Variants in NPY2R observed in about 807,000 individuals in gnomAD.
The protein encoded by NPY2R is neuropeptide Y receptor Y2.
Under a neutral mutation model 22.3 loss-of-function variants are expected in NPY2R, and 17 were observed. The ratio of observed to expected loss-of-function variants is 0.76; its 90% confidence interval spans 0.52 to 1.14. NPY2R has a LOEUF of 1.14. Among genes scored for constraint, NPY2R ranks in the 50% most tolerant of loss-of-function variants. The probability of loss-of-function intolerance (pLI) is 0.00; values close to 1 mark genes in which losing one functional copy is unlikely to be tolerated. For missense variants in NPY2R, 424 were observed against 467.9 expected (o/e 0.91, Z 0.87); for synonymous variants, 209 against 183.4 (o/e 1.14, Z -1.13).
chr4:155,183,071 G>C, the NPY2R span, among the ~76,000 whole-genome samples: 13 of 152,196 alleles, frequency 8.5e-5, 1 homozygote, highest in East Asian at 2.3e-3. Context: ...GGGATTACAG[G>C]CATGAGCCAC....
the NPY2R span, among the ~76,000 whole-genome samples, chr4:155,185,330 G>A: frequency 5.3e-5 from 8 of 152,110 alleles, no homozygotes; most frequent in African/African-American, 1.7e-4. Context: ...GAGCCACCGC[G>A]CCCAGCCAAC....
At chr4:155,189,953 C>T in the NPY2R span, among the ~76,000 whole-genome samples, 6 of 151,830 alleles carry the variant, frequency 4.0e-5, no homozygotes, top group African/African-American at 7.3e-5. Context: ...AGAGTTCATC[C>T]GTATTTAGTG....
chr4:155,192,489 G>T, the NPY2R span, among the ~76,000 whole-genome samples: 1 of 151,692 alleles, frequency 6.6e-6, no homozygotes, highest in African/African-American at 2.4e-5. Context: ...CTTGATCTAG[G>T]TATTTATAAT....
the NPY2R span, among the ~76,000 whole-genome samples, chr4:155,201,316 A>C: frequency 1.3e-5 from 2 of 152,230 alleles, no homozygotes; most frequent in South Asian, 4.2e-4. Flanking sequence ...CTCTTTTAGA[A>C]GCTTTTCTCT....
upstream of NPY2R, among the ~76,000 whole-genome samples, chr4:155,206,353 A>G (rs1258609145): frequency 2.6e-5 from 4 of 152,208 alleles, no homozygotes; most frequent in Non-Finnish European, 5.9e-5. Context: ...CAGTGTCACA[A>G]CTGGGTTTAT....
chr4:155,175,841 A>C, the NPY2R span, among the ~76,000 whole-genome samples: 1 of 152,166 alleles, frequency 6.6e-6, no homozygotes, highest in Non-Finnish European at 1.5e-5. Context: ...AAGAAAGAAA[A>C]GAAAAAAGAG....
the NPY2R span, among the ~76,000 whole-genome samples, chr4:155,190,217 C>T: frequency 6.6e-6 from 1 of 152,010 alleles, no homozygotes; most frequent in African/African-American, 2.4e-5. Flanking sequence ...CTTTCTGATG[C>T]TCCTAACTGC....
the NPY2R span, among the ~76,000 whole-genome samples, chr4:155,189,205 C>T: frequency 5.4e-4 from 82 of 152,004 alleles, 1 homozygote; most frequent in Non-Finnish European, 1.0e-3. Flanking sequence ...AATGACTGTA[C>T]ATTATCAGTA....
the NPY2R span, among the ~76,000 whole-genome samples, chr4:155,197,695 T>A: frequency 6.6e-6 from 1 of 152,012 alleles, no homozygotes; most frequent in East Asian, 1.9e-4. Flanking sequence ...GGAACTAACA[T>A]GAATAGCTAA....
At chr4:155,196,992 T>C in the NPY2R span, among the ~76,000 whole-genome samples, 1 of 152,078 alleles carries the variant, frequency 6.6e-6, no homozygotes, top group East Asian at 1.9e-4. Context: ...CTATCTCTGT[T>C]AAAAGAAATT....
Position 155,215,087 on chromosome 4 carries a change from G to C in NPY2R, c.*2G>C, listed in dbSNP as rs1213730195. 3.7e-6 allele frequency: 6 copies of C among 1,611,986 alleles called. No homozygotes were observed. The highest frequency in any genetic ancestry group is 5.1e-6 in the Non-Finnish European group (6 of 1,179,620). ...TTCACAGAGGCTACCAATGTCTAAG[G>C]AAGCTGTGGTGTGAAAATGTATGGA... On this transcript the variant is annotated 3_prime_UTR_variant, in exon 2 of 2. Transcript: ENST00000329476.
At chr4:155,196,843 A>G in the NPY2R span, among the ~76,000 whole-genome samples, 26 of 152,020 alleles carry the variant, frequency 1.7e-4, no homozygotes, top group African/African-American at 6.0e-4. Flanking sequence ...GTGGGCCTTC[A>G]GTTCAAAGGA....
In NPY2R at chr4:155,214,204, AT is replaced by A. The variant is rs752188989; in HGVS notation, c.267del (p.Ile89MetfsTer11). The A allele has an allele frequency of 1.2e-6, 2 of 1,614,024 alleles. No individual in the cohort carries two copies. Among genetic ancestry groups the A allele is most frequent in the African/African-American group, 2.7e-5 (2 of 74,900 alleles). Reference sequence around the variant, plus strand: ...CATGCGCACAGTAACCAACTTTTTCATTGCCAATCTGGCTGTGGCAGATCTT... The same window carrying A: ...CATGCGCACAGTAACCAACTTTTTCATGCCAATCTGGCTGTGGCAGATCTT... ...KSMRTVTNFF[I>X]ANLAVADLLV... On this transcript the variant is annotated frameshift_variant, in exon 2 of 2. Transcript: ENST00000329476. LOFTEE classifies it high-confidence loss of function.
the NPY2R span, among the ~76,000 whole-genome samples, chr4:155,174,643 C>T: frequency 1.3e-5 from 2 of 151,620 alleles, no homozygotes; most frequent in Non-Finnish European, 2.9e-5. Flanking sequence ...AATTATACAT[C>T]CCCATTCTGG....
the NPY2R span, among the ~76,000 whole-genome samples, chr4:155,199,435 A>G: frequency 6.6e-6 from 1 of 152,138 alleles, no homozygotes; most frequent in South Asian, 2.1e-4. Flanking sequence ...AAATGGCCAT[A>G]CTGCCCAAAG....
intron 1 of NPY2R, among the ~76,000 whole-genome samples, chr4:155,209,776 G>A (rs867193620): frequency 6.8e-6 from 1 of 148,004 alleles, no homozygotes; most frequent in African/African-American, 2.6e-5. Flanking sequence ...ATTTTTCCCT[G>A]GGAAAAATGT....
the NPY2R span, among the ~76,000 whole-genome samples, chr4:155,174,484 A>ATATATATATATTTTTTT: frequency 9.4e-6 from 1 of 106,120 alleles, no homozygotes; most frequent in African/African-American, 4.5e-5. Flanking sequence ...ATATATATAT[A>ATATATATATATTTTTTT]TTTTTTTTTT....
upstream of NPY2R, among the ~76,000 whole-genome samples, chr4:155,206,278 T>G (rs1729283102): frequency 6.6e-6 from 1 of 152,226 alleles, no homozygotes. Flanking sequence ...TCAATAATCT[T>G]GTCCTATTTC....
chr4:155,182,642 C>T, the NPY2R span, among the ~76,000 whole-genome samples: 13 of 152,014 alleles, frequency 8.6e-5, no homozygotes, highest in South Asian at 2.7e-3. Context: ...TCCTCTTGGT[C>T]GAAAAATATT....
Sources: allele counts gnomAD v4.1 joint callset (sites outside exome capture counted in the v4.1 genomes callset), GRCh38; gene constraint gnomAD v4.1.1; transcripts MANE v1.5; gene names NCBI Gene and HGNC (gene_info 2026-07-23, HGNC 2026-07-21).